The following ITSN2 variants were observed in gnomAD, a reference collection of about 807,000 sequenced individuals.
The protein encoded by ITSN2 is intersectin-2.
Under a neutral mutation model 243.7 loss-of-function variants are expected in ITSN2, and 156 were observed. The ratio of observed to expected loss-of-function variants is 0.64; its 90% CI spans 0.56 to 0.73. The LOEUF is 0.73. Among genes scored for constraint, ITSN2 ranks in the 30% least tolerant of loss-of-function variants. The pLI, the probability that ITSN2 is intolerant of heterozygous loss-of-function variation, is 0.00. For missense variants in ITSN2, 1,801 were observed against 1,996.1 expected (o/e 0.90, Z 1.86); for synonymous variants, 703 against 699.9 (o/e 1.00, Z -0.07).
chr2:24,288,981 T>A lies in ITSN2; in HGVS notation c.1724-2630A>T, dbSNP rs568208004. ...ATCTTGCAGGTTCATGTTGTCCCTA[T>A]GTCTGTTTTTATGCCAGTACCACAC... On this transcript the variant is annotated intron_variant, in intron 15 of 39. Coordinates refer to ENST00000355123, the MANE Select transcript of ITSN2 (RefSeq NM_006277.3). 2.0e-5 allele frequency among the ~76,000 whole-genome samples: 3 copies of A among 152,318 alleles called. No individual in the cohort carries two copies. The Middle Eastern group carries it at 0.01, about 518-fold the overall frequency.
intron 29 of ITSN2, among the ~76,000 whole-genome samples, chr2:24,236,671 T>C (rs1471437275): frequency 1.0e-4 from 2 of 19,300 alleles, no homozygotes; most frequent in Non-Finnish European, 2.0e-4. Context: ...GTGTTTTTTT[T>C]TCTTTTTTTT....
intron 11 of ITSN2, 48 bp downstream of exon 11, chr2:24,301,106 A>C (rs1558583681): frequency 2.0e-6 from 2 of 996,904 alleles, no homozygotes; most frequent in Non-Finnish European, 3.0e-6. Context: ...TAAAGGTAGA[A>C]TTTAAAAGAA....
In ITSN2 at chr2:24,308,800, T is replaced by C. The variant is rs181773459; in HGVS notation, c.654-44A>G. 3.7e-4 allele frequency: 381 copies of C among 1,035,412 alleles called. 6 individuals are homozygous for C. In the African/African-American group the frequency reaches 5.7e-3, roughly 16 times the overall value. The allele number at this position is 1,035,412 out of a possible 1,614,324, so 64.1% of individuals were successfully genotyped here. On this transcript the variant is annotated intron_variant, in intron 7 of 39. Transcript: ENST00000355123. The stretch of plus-strand genomic sequence containing the variant: ...AAAATTTTTATGTTACTAAATAAAA[T>C]ATATTTAATTAAATTTTATAAGACC...
chr2:24,305,279 G>T (rs1027503008), intron 8 of ITSN2, among the ~76,000 whole-genome samples: 1 of 152,082 alleles, frequency 6.6e-6, no homozygotes, highest in Non-Finnish European at 1.5e-5. Flanking sequence ...CTATGTTTAG[G>T]GGGAGGAGAA....
At chr2:24,317,828 G>A (rs570276418) in intron 2 of ITSN2, among the ~76,000 whole-genome samples, 10 of 152,306 alleles carry the variant, frequency 6.6e-5, no homozygotes, top group Middle Eastern at 3.4e-3. Flanking sequence ...GGATGGTGGG[G>A]GAGGTCTCAT....
chr2:24,278,336 T>C (rs548149613), intron 17 of ITSN2, among the ~76,000 whole-genome samples: 1 of 152,228 alleles, frequency 6.6e-6, no homozygotes, highest in Non-Finnish European at 1.5e-5. Context: ...AGTGAGTTTC[T>C]TGACAAGACT....
chr2:24,225,275 T>C lies in ITSN2; in HGVS notation c.3578-4209A>G, dbSNP rs1173662082. Reference sequence around the variant, plus strand: ...ACCAACAAGCACACTTCTCCAACCCTGCCCCCTCCTCAGCACCGCCTGCCT... The same window carrying C: ...ACCAACAAGCACACTTCTCCAACCCCGCCCCCTCCTCAGCACCGCCTGCCT... On this transcript the variant is annotated intron_variant, in intron 29 of 39. Transcript: ENST00000355123. The surrounding 1 kb of genome is among the most constrained non-coding windows in gnomAD (Gnocchi z 4.2). Among the ~76,000 whole-genome samples the C allele has an allele frequency of 6.6e-6, 1 of 152,148 alleles. No homozygotes were observed. Among genetic ancestry groups the C allele is most frequent in the East Asian group, 1.9e-4 (1 of 5,182 alleles).
intron 2 of ITSN2, among the ~76,000 whole-genome samples, chr2:24,316,831 G>C (rs1683986829): frequency 6.6e-6 from 1 of 152,162 alleles, no homozygotes; most frequent in Non-Finnish European, 1.5e-5. Context: ...GACAGCACAA[G>C]GCACTGTGAC....
rs1675619196 is a variant in ITSN2 at position 24,260,114 on chromosome 2, T to A, written c.2682+992A>T. Among the ~76,000 whole-genome samples, 7 of 152,170 alleles carry A rather than the reference T, an allele frequency of 4.6e-5. No individual in the cohort carries two copies. The South Asian group carries it at 1.4e-3, about 32-fold the overall frequency. On this transcript the variant is annotated intron_variant, in intron 22 of 39. Coordinates refer to ENST00000355123, the MANE Select transcript of ITSN2 (RefSeq NM_006277.3). ...TTTTAAATTTTTTGTAGAGATGAGGTCTTGCTGTATTGCCCAGGTTGATCT... is the reference window on the plus strand; with the variant it reads ...TTTTAAATTTTTTGTAGAGATGAGGACTTGCTGTATTGCCCAGGTTGATCT...
At chr2:24,324,783 G>A (rs1363405157) in intron 2 of ITSN2, among the ~76,000 whole-genome samples, 2 of 148,756 alleles carry the variant, frequency 1.3e-5, no homozygotes, top group African/African-American at 5.0e-5. Flanking sequence ...GAGCCTGGAG[G>A]TTGAGATTGC....
chr2:24,294,547 T>C (rs539090412), intron 14 of ITSN2, among the ~76,000 whole-genome samples: 45 of 152,168 alleles, frequency 3.0e-4, no homozygotes, highest in African/African-American at 8.7e-4. Context: ...GTAAGAGAAA[T>C]TGGGTAAGAG....
intron 5 of ITSN2, 99 bp from the exon 6 acceptor site, chr2:24,310,791 A>C: frequency 1.1e-6 from 1 of 879,538 alleles, no homozygotes. Flanking sequence ...CTCTATGTTT[A>C]CCAAAACACA....
At chr2:24,242,639 T>C (rs952305321) in intron 29 of ITSN2, among the ~76,000 whole-genome samples, 1 of 152,196 alleles carries the variant, frequency 6.6e-6, no homozygotes, top group African/African-American at 2.4e-5. Flanking sequence ...GATTCTTCAA[T>C]TTCTGATAAA....
At chr2:24,296,860 G>T (rs1204771376) in intron 13 of ITSN2, among the ~76,000 whole-genome samples, 1 of 152,114 alleles carries the variant, frequency 6.6e-6, no homozygotes, top group Non-Finnish European at 1.5e-5. Context: ...ACACTGAAAG[G>T]AACATGTGTA....
At chr2:24,272,024 T>A in intron 18 of ITSN2, 83 bp from the exon 19 acceptor site, 2 of 1,175,130 alleles carry the variant, frequency 1.7e-6, no homozygotes, top group Non-Finnish European at 2.3e-6. Context: ...CTGGTTCCTG[T>A]CAAGGTGAAG....
At chr2:24,265,126 T>C (rs1676512119) in intron 20 of ITSN2, among the ~76,000 whole-genome samples, 1 of 152,224 alleles carries the variant, frequency 6.6e-6, no homozygotes, top group South Asian at 2.1e-4. Flanking sequence ...GCTTTGAGTC[T>C]GTGTAAGAAT....
At chr2:24,345,263 C>T (rs1375075152) in intron 1 of ITSN2, among the ~76,000 whole-genome samples, 1 of 152,054 alleles carries the variant, frequency 6.6e-6, no homozygotes, top group African/African-American at 2.4e-5. Flanking sequence ...CTTTTTTCCC[C>T]TATGTTTTTA....
At chr2:24,270,645 G>T in intron 20 of ITSN2, 26 bp downstream of exon 20, 1 of 1,144,678 alleles carries the variant, frequency 8.7e-7, no homozygotes, top group Non-Finnish European at 1.3e-6. Flanking sequence ...GGTTATTCAT[G>T]ATTAAAAAAA....
At chr2:24,297,647 G>GA (rs1247386705) in intron 13 of ITSN2, among the ~76,000 whole-genome samples, 1 of 152,140 alleles carries the variant, frequency 6.6e-6, no homozygotes, top group Non-Finnish European at 1.5e-5. Flanking sequence ...ATTAGGGAGA[G>GA]AAAATCACTG....
Sources: allele counts gnomAD v4.1 joint callset (sites outside exome capture counted in the v4.1 genomes callset), GRCh38; gene constraint gnomAD v4.1.1; non-coding constraint Gnocchi (gnomAD v3.1); transcripts MANE v1.5; gene names NCBI Gene and HGNC (gene_info 2026-07-23, HGNC 2026-07-21).